Variants in TRIOBP observed in about 807,000 individuals in gnomAD.
TRIOBP encodes the protein TRIO and F-actin-binding protein.
A neutral mutation model predicts 238.8 loss-of-function variants in TRIOBP; 169 were observed. The ratio of observed to expected loss-of-function variants is 0.71; its 90% CI spans 0.62 to 0.80. The LOEUF is 0.80. TRIOBP is among the 30% of genes least tolerant of loss of function. The probability of loss-of-function intolerance (pLI) is 0.00; values close to 1 mark genes in which losing one functional copy is unlikely to be tolerated. For missense variants in TRIOBP, 2,838 were observed against 3,122.6 expected, an observed-to-expected ratio of 0.91 and a Z score of 2.17; for synonymous variants, 1,150 against 1,274.4, an observed-to-expected ratio of 0.90 and a Z score of 2.08.
intron 23 of TRIOBP, 55 bp downstream of exon 23, chr22:37,772,819 A>C (rs1601673197): frequency 6.3e-7 from 1 of 1,589,908 alleles, no homozygotes. Flanking sequence ...GCTCTCCCAC[A>C]CCCGGGACTC....
In TRIOBP at chr22:37,725,709, G is replaced by A. The variant is rs1267539065; in HGVS notation, c.3153G>A (p.Pro1051=). The A allele has an allele frequency of 3.7e-6, 6 of 1,605,804 alleles. No individual in the cohort carries two copies. The highest frequency in any genetic ancestry group is 2.8e-5 in the African/African-American group (2 of 72,060). ...AGCCCCGCGCCCCTGAGAGTGAACC[G>A]CCCCACCACGAGCCTCCCTATATAC... ...FPEPRAPESE[P]PHHEPPYIPP... is the part of the protein sequence containing the mutation. Residue 1051 remains proline, a synonymous_variant, in exon 7 of 24, where the codon CCG becomes CCA. Coordinates refer to ENST00000644935, the MANE Select transcript of TRIOBP (RefSeq NM_001039141.3).
chr22:37,719,990 C>CCACTGCACTCACTGTTTCACTCAT lies in TRIOBP; in HGVS notation c.629-3194_629-3193insACTGCACTCACTGTTTCACTCATC, dbSNP rs1923740264. 9.1e-4 allele frequency among the ~76,000 whole-genome samples: 11 copies of CCACTGCACTCACTGTTTCACTCAT among 12,036 alleles called. 3 individuals are homozygous for CCACTGCACTCACTGTTTCACTCAT. The highest frequency in any genetic ancestry group is 2.2e-3 in the Non-Finnish European group (7 of 3,248). 7.9% of individuals were successfully genotyped at this position (12,036 alleles called of 152,430 possible). ...CACTGCACTCACTGTTTCACTCATC[C>CCACTGCACTCACTGTTTCACTCAT]CCCCCCGCCCTTTTTTTTTTTTTTT... On this transcript the variant is annotated intron_variant, in intron 6 of 23. Transcript: ENST00000644935.
intron 2 of TRIOBP, among the ~76,000 whole-genome samples, chr22:37,698,148 C>T (rs1184851704): frequency 2.8e-5 from 4 of 144,878 alleles, no homozygotes; most frequent in Admixed American, 7.1e-5. Context: ...TGCAGTGAGC[C>T]GAGATCGCGC....
rs190529651 is a variant in TRIOBP, at chr22:37,767,114, G to A, written c.6473-960G>A. 8.4e-3 allele frequency among the ~76,000 whole-genome samples: 1,275 copies of A among 152,178 alleles called. 20 individuals are homozygous for A. The highest frequency in any genetic ancestry group is 9.6e-3 in the Non-Finnish European group (654 of 67,998). On this transcript the variant is annotated intron_variant, in intron 18 of 23. Transcript: ENST00000644935. ...ATGAATACAAAAATTAGCCATGCGC[G>A]GTGGCAGGCGCGTGTAATCCCAGCT...
At chr22:37,712,550 G>GTC (rs1923306795) in intron 4 of TRIOBP, among the ~76,000 whole-genome samples, 1 of 151,910 alleles carries the variant, frequency 6.6e-6, no homozygotes, top group South Asian at 2.1e-4. Context: ...GGACAGGCTA[G>GTC]TCTCGGACTA....
Position 37,735,357 on chromosome 22 carries a change from C to T in TRIOBP, c.5021C>T (p.Ala1674Val), listed in dbSNP as rs372093416. Reference sequence around the variant, plus strand: ...AAGATCAAAGTGACAAGAGGACCAGCGACCGCAACTCTGGCAGGCCTGGAG... The same window carrying T: ...AAGATCAAAGTGACAAGAGGACCAGTGACCGCAACTCTGGCAGGCCTGGAG... ...WPKIKVTRGP[A>V]TATLAGLEQT... Residue 1674 changes from alanine (A) to valine (V), a missense_variant, in exon 9 of 24, where the codon GCG (alanine) becomes GTG (valine). By Grantham distance (64) the Ala-to-Val change is moderately conservative. This residue lies in a region of TRIOBP where 2,096 missense variants were observed against 2,137.4 expected (regional missense o/e 0.98). Coordinates refer to ENST00000644935, the MANE Select transcript of TRIOBP (RefSeq NM_001039141.3). The T allele has an allele frequency of 2.4e-5, 39 of 1,612,684 alleles. No homozygotes were observed. The African/African-American group carries it at 3.7e-4, about 15-fold the overall frequency.
rs1329863600 is a variant in TRIOBP, at chr22:37,776,474, TG to T, written c.*2695del. 6.6e-6 allele frequency: 1 copy of T among 152,218 alleles called. No individual in the cohort carries two copies. The highest frequency in any genetic ancestry group is 2.4e-5 in the African/African-American group (1 of 41,444). The allele number at this position is 152,218 out of a possible 1,614,324, so 9.4% of individuals were successfully genotyped here. On this transcript the variant is annotated 3_prime_UTR_variant, in exon 24 of 24. Transcript: ENST00000644935. ...ATGAGTCCTTACATGCACAAAAGGA[TG>T]AGTACCGTAATACTCACATCAGCAA...
intron 6 of TRIOBP, among the ~76,000 whole-genome samples, chr22:37,717,056 C>T (rs964998495): frequency 2.0e-5 from 3 of 152,142 alleles, no homozygotes; most frequent in South Asian, 2.1e-4. Context: ...TTAAAGGCGG[C>T]GTGTCTGGAG....
In TRIOBP at chr22:37,735,028, CCTT is replaced by C. The variant is rs887164805; in HGVS notation, c.4695_4697del (p.Leu1566del). 2.5e-6 allele frequency: 4 copies of C among 1,609,616 alleles called. No homozygotes were observed. The African/African-American group carries it at 5.3e-5, about 22-fold the overall frequency. On this transcript the variant is annotated inframe_deletion, in exon 9 of 24. Coordinates refer to ENST00000644935, the MANE Select transcript of TRIOBP (RefSeq NM_001039141.3). ...AGCTTGACTGGAGGGATCTGCTTGG[CCTT>C]CTCCGGGCACCAGGAGAGGGGGTCT...
chr22:37,771,565 CAG>C, intron 21 of TRIOBP, 83 bp from the exon 22 acceptor site: 1 of 1,231,854 alleles, frequency 8.1e-7, no homozygotes, highest in Admixed American at 1.7e-5. Flanking sequence ...GGGCCTGAGG[CAG>C]AGAGAACCCG....
intron 9 of TRIOBP, among the ~76,000 whole-genome samples, chr22:37,738,124 G>A (rs924945060): frequency 2.0e-5 from 3 of 152,238 alleles, no homozygotes; most frequent in Non-Finnish European, 4.4e-5. Context: ...GGGTGAATGT[G>A]TGAATGGATG....
At chr22:37,759,289 G>A (rs1391760216) in intron 17 of TRIOBP, 25 bp downstream of exon 17, 2 of 1,602,156 alleles carry the variant, frequency 1.2e-6, no homozygotes, top group Non-Finnish European at 1.7e-6. Context: ...CTGTTTTTCA[G>A]GGGGAGGGGG....
intron 5 of TRIOBP, among the ~76,000 whole-genome samples, chr22:37,714,839 GTTA>G (rs1171244698): frequency 1.3e-5 from 2 of 151,866 alleles, no homozygotes; most frequent in Non-Finnish European, 1.5e-5. Flanking sequence ...ACCATGCCTA[GTTA>G]TTATTATTTT....
chr22:37,766,067 C>T (rs971030483), intron 18 of TRIOBP, among the ~76,000 whole-genome samples: 3 of 152,214 alleles, frequency 2.0e-5, no homozygotes, highest in African/African-American at 7.2e-5. Flanking sequence ...GTGACTCTTC[C>T]TGCTCAGGGG....
rs756611611 is a variant in TRIOBP, at chr22:37,726,356, G to T, written c.3800G>T (p.Arg1267Leu). The T allele has an allele frequency of 1.2e-6, 2 of 1,608,620 alleles. No homozygotes were observed. Among genetic ancestry groups the T allele is most frequent in the Non-Finnish European group, 1.7e-6 (2 of 1,177,944 alleles). Residue 1267 changes from arginine to leucine, a missense_variant, in exon 7 of 24, where the codon CGG becomes CTG. Around this residue, in one of 5 missense-constraint regions of TRIOBP, gnomAD observed 2,096 missense variants for 2,137.4 expected, o/e 0.98. Coordinates refer to ENST00000644935, the MANE Select transcript of TRIOBP (RefSeq NM_001039141.3). ...PPGETRHNLE[R>L]EEYTVLADLP... Reference sequence around the variant, plus strand: ...GGGGAGACCAGGCACAACTTGGAGCGGGAGGAGTACACTGTGCTGGCCGAC... The same window carrying T: ...GGGGAGACCAGGCACAACTTGGAGCTGGAGGAGTACACTGTGCTGGCCGAC...
At position 37,726,369 on chromosome 22, in the gene TRIOBP, T is replaced by G; in HGVS notation, c.3813T>G (p.Thr1271=). 9 of 1,596,682 alleles carry G rather than the reference T, an allele frequency of 5.6e-6. No individual in the cohort carries two copies. Among genetic ancestry groups the G allele is most frequent in the South Asian group, 1.1e-5 (1 of 89,414 alleles). ...TRHNLEREEY[T]VLADLPPPRR... ...ACAACTTGGAGCGGGAGGAGTACAC[T>G]GTGCTGGCCGACCTGCCCCCACCCA... Residue 1271 remains threonine, a synonymous_variant, in exon 7 of 24, where the codon ACT becomes ACG. Coordinates refer to ENST00000644935, the MANE Select transcript of TRIOBP (RefSeq NM_001039141.3).
Position 37,731,914 on chromosome 22 carries a change from G to A in TRIOBP, c.3948-1384G>A, listed in dbSNP as rs897989326. Among the ~76,000 whole-genome samples the A allele has an allele frequency of 9.3e-5, 14 of 151,294 alleles. 1 individual carries two copies. Among genetic ancestry groups the A allele is most frequent in the Non-Finnish European group, 1.0e-4 (7 of 67,434 alleles). On this transcript the variant is annotated intron_variant, in intron 7 of 23. Coordinates refer to ENST00000644935, the MANE Select transcript of TRIOBP (RefSeq NM_001039141.3). ...CCAATCCCATACTTTTGAAGGTGTC[G>A]TTCCAGCATGGCTCCTCAGGCACAG...
intron 9 of TRIOBP, among the ~76,000 whole-genome samples, chr22:37,736,909 G>A (rs1275138602): frequency 6.6e-6 from 1 of 152,178 alleles, no homozygotes; most frequent in Non-Finnish European, 1.5e-5. Flanking sequence ...TTACAGGTGC[G>A]AGCCACCATG....
chr22:37,759,379 G>T (rs774977248), intron 17 of TRIOBP, 115 bp downstream of exon 17: 7 of 1,289,748 alleles, frequency 5.4e-6, no homozygotes, highest in Non-Finnish European at 6.8e-6. Context: ...CCTGTGTGGG[G>T]CATTTGACAT....
Sources: allele counts gnomAD v4.1 joint callset (sites outside exome capture counted in the v4.1 genomes callset), GRCh38; gene constraint gnomAD v4.1.1; regional missense constraint gnomAD v4.1.1; transcripts MANE v1.5; gene names NCBI Gene and HGNC (gene_info 2026-07-23, HGNC 2026-07-21).